CPE: variants seen among roughly 807,000 people sequenced by gnomAD.
The protein encoded by CPE is carbocypeptidase E.
A neutral mutation model predicts 53.5 loss-of-function variants in CPE; 17 were observed. The observed-to-expected ratio is 0.32, with a 90% CI of 0.22 to 0.48. The LOEUF (loss-of-function observed/expected upper bound fraction) is 0.48, where lower values mean the gene tolerates loss of function less well. Among genes scored for constraint, CPE ranks in the 20% least tolerant of loss-of-function variants. The pLI, the probability that CPE is intolerant of heterozygous loss-of-function variation, is 0.99. For missense variants in CPE, 524 were observed against 614.7 expected, an observed-to-expected ratio of 0.85 and a Z score of 1.56; for synonymous variants, 226 against 228.8, an observed-to-expected ratio of 0.99 and a Z score of 0.11.
chr4:165,485,844 G>A lies in CPE; in HGVS notation c.973+1240G>A, dbSNP rs183384991. On this transcript the variant is annotated intron_variant, in intron 5 of 8. Transcript: ENST00000402744. ...TGAATAACATTCATGTCTTAGGTCA[G>A]GTTTTCTAGAAGCAGAGCCTGAGAT... is the stretch of plus-strand genomic sequence containing the variant. Among the ~76,000 whole-genome samples the A allele has an allele frequency of 1.3e-3, 200 of 152,302 alleles. 2 individuals carry two copies. Among genetic ancestry groups the A allele is most frequent in the African/African-American group, 4.4e-3 (182 of 41,562 alleles).
intron 4 of CPE, among the ~76,000 whole-genome samples, 166 bp downstream of exon 4, chr4:165,482,525 G>A (rs1732433182): frequency 6.6e-6 from 1 of 152,164 alleles, no homozygotes; most frequent in East Asian, 1.9e-4. Flanking sequence ...TTCATATGGT[G>A]TTGGCATATC....
At chr4:165,404,128 C>G (rs185827661) in intron 1 of CPE, 11,366 of 801,130 alleles carry the variant, frequency 0.014, 111 homozygotes, top group Middle Eastern at 0.018. Flanking sequence ...TTGGGGTGAA[C>G]TCTTTTCCAT....
intron 1 of CPE, among the ~76,000 whole-genome samples, chr4:165,429,589 C>A (rs1004697234): frequency 6.6e-6 from 1 of 151,760 alleles, no homozygotes; most frequent in Admixed American, 6.6e-5. Flanking sequence ...GTAGTCCCAG[C>A]GACTCCAGAG....
chr4:165,425,670 A>C (rs1225341576), intron 1 of CPE, among the ~76,000 whole-genome samples: 3 of 147,708 alleles, frequency 2.0e-5, no homozygotes, highest in Non-Finnish European at 3.0e-5. Context: ...AAAAAAAAAA[A>C]AACACTTAAT....
chr4:165,415,164 G>GA (rs35285240), intron 1 of CPE: 49,203 of 166,692 alleles, frequency 0.3, 7,471 homozygotes, highest in Middle Eastern at 0.4. Context: ...CTGATTGGTG[G>GA]AAAAACCTTT....
At chr4:165,476,900 G>C (rs1162363286) in intron 3 of CPE, among the ~76,000 whole-genome samples, 1 of 151,992 alleles carries the variant, frequency 6.6e-6, no homozygotes, top group Non-Finnish European at 1.5e-5. Flanking sequence ...AAGGCGGCAG[G>C]CTGGGGTAAC....
intron 1 of CPE, among the ~76,000 whole-genome samples, chr4:165,441,717 G>A (rs758010913): frequency 6.6e-6 from 1 of 152,074 alleles, no homozygotes; most frequent in African/African-American, 2.4e-5. Flanking sequence ...CAAGATAGAG[G>A]GCATGAATTA....
chr4:165,417,958 T>G (rs1731152930), intron 1 of CPE, among the ~76,000 whole-genome samples: 1 of 152,138 alleles, frequency 6.6e-6, no homozygotes, highest in South Asian at 2.1e-4. Flanking sequence ...TTTCACTGAG[T>G]GCAACTTATG....
chr4:165,432,501 G>A (rs1398804331), intron 1 of CPE, among the ~76,000 whole-genome samples: 2 of 151,998 alleles, frequency 1.3e-5, no homozygotes, highest in African/African-American at 4.8e-5. Context: ...TTTCACTATT[G>A]CCCAGGCTGG....
intron 1 of CPE, among the ~76,000 whole-genome samples, chr4:165,417,093 A>G (rs1731137600): frequency 6.6e-6 from 1 of 152,166 alleles, no homozygotes. Context: ...AGAAAGAAAG[A>G]GCCATTTTCT....
chr4:165,390,833 C>A (rs1320647819), intron 1 of CPE, among the ~76,000 whole-genome samples: 7 of 152,082 alleles, frequency 4.6e-5, no homozygotes, highest in African/African-American at 2.4e-5. Flanking sequence ...ACTCATGTGT[C>A]TAAATTGTTA....
rs555721212 is a variant in CPE at position 165,379,830 on chromosome 4, G to A, written c.307+302G>A. 2.6e-5 allele frequency among the ~76,000 whole-genome samples: 4 copies of A among 152,034 alleles called. No individual in the cohort carries two copies. Among genetic ancestry groups the A allele is most frequent in the Admixed American group, 2.6e-4 (4 of 15,278 alleles). On this transcript the variant is annotated intron_variant, in intron 1 of 8. Transcript: ENST00000402744. The surrounding 1 kb of genome is among the most constrained non-coding windows in gnomAD (Gnocchi z 6.0). ...TGGGAGGCTGGGGTGGCGGGGGATG[G>A]GGGGGATAGCAATACAGAAAAAACA...
chr4:165,379,195 C>A lies in CPE; in HGVS notation c.-27C>A. 1 of 1,224,016 alleles carries A rather than the reference C, an allele frequency of 8.2e-7. No homozygotes were observed. Among genetic ancestry groups the A allele is most frequent in the Non-Finnish European group, 1.0e-6 (1 of 984,696 alleles). The allele number at this position is 1,224,016 out of a possible 1,614,324, so 75.8% of individuals were successfully genotyped here. A position where few individuals can be genotyped will look rare whatever the true frequency, so the allele number is the denominator to read the frequency against. On this transcript the variant is annotated 5_prime_UTR_variant, in exon 1 of 9. Transcript: ENST00000402744. This position sits in a 1 kb window ranked among gnomAD's most constrained non-coding sequence, Gnocchi z 6.0. ...AAAAGAGGCCGCCCGCGTAGGAAGG[C>A]ACGGCCGGCGGCGGCGGAGCGCAGC...
intron 3 of CPE, among the ~76,000 whole-genome samples, chr4:165,474,580 G>A (rs1732262721): frequency 6.6e-6 from 1 of 152,140 alleles, no homozygotes; most frequent in South Asian, 2.1e-4. Context: ...CCATTACCTT[G>A]GTTCCATCTC....
chr4:165,483,202 G>T (rs902829585), intron 4 of CPE, among the ~76,000 whole-genome samples: 1 of 151,926 alleles, frequency 6.6e-6, no homozygotes, highest in Non-Finnish European at 1.5e-5. Context: ...TAATGTCCAG[G>T]TACACCCATT....
At chr4:165,445,398 AC>A (rs1311204993) in intron 1 of CPE, among the ~76,000 whole-genome samples, 1 of 151,646 alleles carries the variant, frequency 6.6e-6, no homozygotes, top group Non-Finnish European at 1.5e-5. Context: ...TTTTTAAAAT[AC>A]TAATTTCGCT....
intron 1 of CPE, among the ~76,000 whole-genome samples, chr4:165,459,118 G>T (rs1181318812): frequency 6.6e-6 from 1 of 152,164 alleles, no homozygotes; most frequent in Non-Finnish European, 1.5e-5. Context: ...TTTGAGGCAA[G>T]AGACTTCTTT....
At chr4:165,485,197 G>A (rs1189417685) in intron 5 of CPE, among the ~76,000 whole-genome samples, 1 of 152,184 alleles carries the variant, frequency 6.6e-6, no homozygotes, top group East Asian at 1.9e-4. Flanking sequence ...AGCCAAGGAA[G>A]CTCTCTTGCC....
intron 4 of CPE, among the ~76,000 whole-genome samples, chr4:165,483,112 A>G (rs1245168486): frequency 6.6e-6 from 1 of 151,634 alleles, no homozygotes; most frequent in Non-Finnish European, 1.5e-5. Context: ...AAAAGAGTGA[A>G]CTCAATAGGT....
Sources: gnomAD v4.1 joint callset for allele counts (sites outside exome capture counted in the v4.1 genomes callset) on GRCh38, gnomAD v4.1.1 for gene constraint, Gnocchi (gnomAD v3.1) non-coding constraint, MANE v1.5 for transcripts, NCBI Gene and HGNC (gene_info 2026-07-23, HGNC 2026-07-21) for gene names.